TRMT9B: variants seen among roughly 807,000 people sequenced by gnomAD.
The protein encoded by TRMT9B is probable tRNA methyltransferase 9B.
Under a neutral mutation model 11.5 loss-of-function variants are expected in TRMT9B, and 16 were observed. That is an observed-to-expected ratio of 1.39 (90% CI 0.94 to 2.11). TRMT9B has a LOEUF of 2.11. TRMT9B is among the 30% of genes most tolerant of loss of function. The pLI, the probability that TRMT9B is intolerant of heterozygous loss-of-function variation, is 0.00. For missense variants in TRMT9B, 941 were observed against 553.8 expected (o/e 1.70, Z -7.02); for synonymous variants, 274 against 192.4 (o/e 1.42, Z -3.51).
rs997175399 is a variant in TRMT9B at position 13,022,687 on chromosome 8, G to A, written c.*643G>A. On this transcript the variant is annotated 3_prime_UTR_variant, in exon 5 of 5. Coordinates refer to ENST00000524591, the MANE Select transcript of TRMT9B (RefSeq NM_020844.3). ...ATAATAAGGTTTTCAATGTAGCCCA[G>A]GAGGTTTTTAAAGGCACTGTTAGGC... is the stretch of plus-strand genomic sequence containing the variant. The A allele has an allele frequency of 1.2e-5, 2 of 167,086 alleles. No individual in the cohort carries two copies. Among genetic ancestry groups the A allele is most frequent in the Non-Finnish European group, 2.9e-5 (2 of 68,120 alleles). The allele number at this position is 167,086 out of a possible 1,614,324, so 10.4% of individuals were successfully genotyped here. A position where few individuals can be genotyped will look rare whatever the true frequency, so the allele number is the denominator to read the frequency against.
At chr8:12,956,020 C>T (rs115492349) in intron 1 of TRMT9B, among the ~76,000 whole-genome samples, 1 of 152,194 alleles carries the variant, frequency 6.6e-6, no homozygotes, top group African/African-American at 2.4e-5. Flanking sequence ...GGTGACTGAA[C>T]ATTGCTACCA....
At chr8:12,978,146 C>G (rs1804749417) in intron 1 of TRMT9B, among the ~76,000 whole-genome samples, 1 of 152,162 alleles carries the variant, frequency 6.6e-6, no homozygotes, top group South Asian at 2.1e-4. Flanking sequence ...TTCTTCATGG[C>G]CCAGGAATAT....
intron 1 of TRMT9B, among the ~76,000 whole-genome samples, chr8:12,975,353 T>C (rs1198007027): frequency 1.3e-5 from 2 of 152,128 alleles, no homozygotes; most frequent in Non-Finnish European, 2.9e-5. Flanking sequence ...TTGTTGAACA[T>C]ATATAGACTG....
At chr8:12,997,478 T>A (rs1466749513) in intron 2 of TRMT9B, among the ~76,000 whole-genome samples, 1 of 152,150 alleles carries the variant, frequency 6.6e-6, no homozygotes, top group Non-Finnish European at 1.5e-5. Flanking sequence ...AACAAACTGC[T>A]TGTCCTTATA....
intron 4 of TRMT9B, among the ~76,000 whole-genome samples, chr8:13,015,708 C>T (rs770277086): frequency 2.0e-5 from 3 of 152,056 alleles, no homozygotes; most frequent in Non-Finnish European, 2.9e-5. Flanking sequence ...CACTGAGACA[C>T]TGGTGAAGGA....
intron 1 of TRMT9B, chr8:12,952,603 T>C: frequency 1.3e-6 from 1 of 797,700 alleles, no homozygotes; most frequent in Non-Finnish European, 1.5e-6. Flanking sequence ...GGGAACTGAT[T>C]TTTAATTAGT....
chr8:12,990,519 T>C (rs1010104252), intron 1 of TRMT9B, among the ~76,000 whole-genome samples: 3 of 152,234 alleles, frequency 2.0e-5, no homozygotes, highest in Non-Finnish European at 2.9e-5. Context: ...TCTTAGGTAG[T>C]ATTTATTTAA....
chr8:12,951,122 T>C (rs1050674697), intron 1 of TRMT9B, among the ~76,000 whole-genome samples: 4 of 152,094 alleles, frequency 2.6e-5, no homozygotes, highest in Non-Finnish European at 4.4e-5. Flanking sequence ...TGTGTCCAGT[T>C]TTGGGCAAAA....
chr8:12,953,213 T>A (rs1249101890), intron 1 of TRMT9B, among the ~76,000 whole-genome samples: 2 of 124,582 alleles, frequency 1.6e-5, no homozygotes, highest in African/African-American at 6.3e-5. Flanking sequence ...AATATATCTA[T>A]ATTGTTTTCA....
At chr8:12,956,989 T>G (rs776144525) in intron 1 of TRMT9B, among the ~76,000 whole-genome samples, 21 of 152,212 alleles carry the variant, frequency 1.4e-4, no homozygotes, top group Non-Finnish European at 2.8e-4. Context: ...TATTTACCTC[T>G]GATATTTGGA....
intron 4 of TRMT9B, among the ~76,000 whole-genome samples, chr8:13,019,973 G>T (rs749022192): frequency 6.6e-6 from 1 of 152,146 alleles, no homozygotes; most frequent in African/African-American, 2.4e-5. Flanking sequence ...GATTGCTAAC[G>T]ATACAAAATG....
At chr8:13,001,503 T>C (rs1406745348) in intron 2 of TRMT9B, among the ~76,000 whole-genome samples, 1 of 152,258 alleles carries the variant, frequency 6.6e-6, no homozygotes. Context: ...CATACTTCAC[T>C]AAAACTACAT....
chr8:12,963,243 C>A (rs1232117856), intron 1 of TRMT9B, among the ~76,000 whole-genome samples: 1 of 151,972 alleles, frequency 6.6e-6, no homozygotes, highest in Non-Finnish European at 1.5e-5. Context: ...ACCAGCTGGC[C>A]AATATAGTGA....
chr8:13,020,576 G>C (rs1057332036), intron 4 of TRMT9B, among the ~76,000 whole-genome samples: 1 of 152,060 alleles, frequency 6.6e-6, no homozygotes, highest in Non-Finnish European at 1.5e-5. Flanking sequence ...AGTACAAATT[G>C]TTCATTAAAA....
chr8:12,970,388 A>G (rs960276687), intron 1 of TRMT9B, among the ~76,000 whole-genome samples: 5 of 152,110 alleles, frequency 3.3e-5, no homozygotes, highest in Admixed American at 1.3e-4. Context: ...CTCCATCCCA[A>G]CCTAACAGTG....
intron 1 of TRMT9B, chr8:12,952,751 T>C (rs2128857103): frequency 1.1e-6 from 1 of 900,978 alleles, no homozygotes. Context: ...GTTTTTTTTG[T>C]TGTTGTTTGA....
intron 4 of TRMT9B, among the ~76,000 whole-genome samples, chr8:13,016,329 T>C (rs4546661): frequency 0.42 from 59,386 of 143,074 alleles, 12,724 homozygotes; most frequent in East Asian, 0.61. Context: ...AGATAGTCTA[T>C]TGAAATTTCT....
intron 2 of TRMT9B, among the ~76,000 whole-genome samples, chr8:12,993,557 A>T (rs932913872): frequency 1.3e-5 from 2 of 152,210 alleles, no homozygotes; most frequent in Non-Finnish European, 2.9e-5. Context: ...CAGACCAGTT[A>T]GACTAGCTGA....
chr8:13,014,161 C>T (rs1024010044), intron 4 of TRMT9B, among the ~76,000 whole-genome samples: 9 of 152,160 alleles, frequency 5.9e-5, no homozygotes, highest in Middle Eastern at 3.2e-3. Flanking sequence ...AACCTTGGAA[C>T]TAGTAAGGAC....
Sources: allele counts gnomAD v4.1 joint callset (sites outside exome capture counted in the v4.1 genomes callset), GRCh38; gene constraint gnomAD v4.1.1; transcripts MANE v1.5; gene names NCBI Gene and HGNC (gene_info 2026-07-23, HGNC 2026-07-21).